SLC23A2: variants seen among roughly 807,000 people sequenced by gnomAD.
SLC23A2 encodes solute carrier family 23 member 2.
SLC23A2 carries 36 observed loss-of-function variants against 73.3 expected under a neutral mutation model. That is an observed-to-expected ratio of 0.49 (90% CI 0.38 to 0.65). The LOEUF (loss-of-function observed/expected upper bound fraction) is 0.65, where lower values mean the gene tolerates loss of function less well. Ranked by LOEUF, SLC23A2 falls within the 30% of genes least tolerant of loss-of-function variation. The pLI, the probability that SLC23A2 is intolerant of heterozygous loss-of-function variation, is 0.00. For missense variants in SLC23A2, 507 were observed against 841.6 expected (o/e 0.60, Z 4.92); for synonymous variants, 343 against 327.3 (o/e 1.05, Z -0.52).
Position 4,932,611 on chromosome 20 carries a change from T to A in SLC23A2, c.-49A>T. On this transcript the variant is annotated 5_prime_UTR_variant, in exon 3 of 17. Coordinates refer to ENST00000338244, the MANE Select transcript of SLC23A2 (RefSeq NM_005116.6). ...AGCCGTTGGGGAGAGCAGCTGGAAG[T>A]GAAGGCTTATTCAAGCTAGGAGCCC... The A allele has an allele frequency of 9.9e-7, 1 of 1,013,174 alleles. No individual in the cohort carries two copies. Among genetic ancestry groups the A allele is most frequent in the Non-Finnish European group, 1.6e-6 (1 of 631,978 alleles). 62.8% of individuals were successfully genotyped at this position (1,013,174 alleles called of 1,614,324 possible).
chr20:4,990,285 C>A (rs375168022), intron 1 of SLC23A2, among the ~76,000 whole-genome samples: 24 of 152,218 alleles, frequency 1.6e-4, no homozygotes, highest in African/African-American at 5.8e-4. Context: ...TTCAGGAGAC[C>A]AAGGCAGAGG....
chr20:4,910,943 C>A (rs1472360979), intron 4 of SLC23A2, among the ~76,000 whole-genome samples: 1 of 152,178 alleles, frequency 6.6e-6, no homozygotes, highest in African/African-American at 2.4e-5. Context: ...ATTTTTCCTA[C>A]AACTGGATCC....
rs753802942 is a variant in SLC23A2, at chr20:4,867,766, G to A, written c.1356+4C>T. 4.0e-6 allele frequency: 6 copies of A among 1,499,814 alleles called. No individual in the cohort carries two copies. The highest frequency in any genetic ancestry group is 5.6e-6 in the Non-Finnish European group (6 of 1,078,700). The allele number at this position is 1,499,814 out of a possible 1,614,324, so 92.9% of individuals were successfully genotyped here. A position where few individuals can be genotyped will look rare whatever the true frequency, so the allele number is the denominator to read the frequency against. ...CAATCATTTAATTAGAAAAATCTGT[G>A]TACCTTTGTAATTCCCAAAACTCCA... On this transcript the variant is annotated splice_donor_region_variant and intron_variant, in intron 13 of 16. Coordinates refer to ENST00000338244, the MANE Select transcript of SLC23A2 (RefSeq NM_005116.6).
At chr20:4,894,538 T>A (rs938607136) in intron 6 of SLC23A2, among the ~76,000 whole-genome samples, 2 of 152,190 alleles carry the variant, frequency 1.3e-5, no homozygotes, top group African/African-American at 4.8e-5. Flanking sequence ...TGCTGTGGCA[T>A]CTACAATCGG....
At chr20:4,897,620 A>G (rs868332029) in intron 6 of SLC23A2, among the ~76,000 whole-genome samples, 5 of 152,280 alleles carry the variant, frequency 3.3e-5, no homozygotes, top group Non-Finnish European at 5.9e-5. Context: ...GAGGTGAACC[A>G]CGCTGACCCA....
rs543511212 is a variant in SLC23A2, at chr20:4,862,186, C to G, written c.1487-101G>C. The G allele has an allele frequency of 3.3e-6, 4 of 1,225,336 alleles. No individual in the cohort carries two copies. The highest frequency in any genetic ancestry group is 3.0e-5 in the African/African-American group (2 of 66,056). The allele number at this position is 1,225,336 out of a possible 1,614,324, so 75.9% of individuals were successfully genotyped here. ...TCCCTGGCACCCCTTCTCTGTCCAA[C>G]AGAAACCAATGAGACCAGTGCAGGG... is the stretch of plus-strand genomic sequence containing the variant. On this transcript the variant is annotated intron_variant, in intron 14 of 16. Transcript: ENST00000338244. The surrounding 1 kb of genome is among the most constrained non-coding windows in gnomAD (Gnocchi z 5.1).
chr20:4,867,648 A>T, intron 13 of SLC23A2, 122 bp downstream of exon 13: 71 of 426,726 alleles, frequency 1.7e-4, no homozygotes, highest in East Asian at 2.6e-4. Context: ...AAAAAAAAAA[A>T]GGAGAGAAGT....
chr20:4,895,866 G>A (rs1189718499), intron 6 of SLC23A2, among the ~76,000 whole-genome samples: 3 of 152,230 alleles, frequency 2.0e-5, no homozygotes, highest in African/African-American at 7.2e-5. Context: ...ACCCTACTGA[G>A]GTCTGGCTGC....
intron 2 of SLC23A2, among the ~76,000 whole-genome samples, chr20:4,943,227 A>G (rs901607109): frequency 7.2e-5 from 11 of 152,100 alleles, no homozygotes; most frequent in African/African-American, 2.2e-4. Flanking sequence ...AATAAATACT[A>G]TATCAGAAAT....
At chr20:4,897,606 C>G (rs1310196547) in intron 6 of SLC23A2, among the ~76,000 whole-genome samples, 1 of 152,218 alleles carries the variant, frequency 6.6e-6, no homozygotes, top group African/African-American at 2.4e-5. Flanking sequence ...CCCAGGCCAG[C>G]AGGGAGGTGA....
chr20:4,922,860 C>CAT (rs1337496496), intron 3 of SLC23A2, among the ~76,000 whole-genome samples: 3 of 151,044 alleles, frequency 2.0e-5, no homozygotes, highest in African/African-American at 7.3e-5. Flanking sequence ...CACACACACA[C>CAT]ACAAGTAAGA....
At chr20:4,923,005 CTCATT>C (rs987217989) in intron 3 of SLC23A2, among the ~76,000 whole-genome samples, 8 of 152,098 alleles carry the variant, frequency 5.3e-5, no homozygotes, top group African/African-American at 1.9e-4. Context: ...ACTAACATCT[CTCATT>C]TCATTTAAAA....
At position 4,956,955 on chromosome 20, in the gene SLC23A2, G is replaced by A. The variant is rs533244829; in HGVS notation, c.-155+13838C>T. ...CCCAAGTAGCTGGGATTACAGGCATGTGCCACCATGCCCGGCTAATTTTAT... is the reference window on the plus strand; with the variant it reads ...CCCAAGTAGCTGGGATTACAGGCATATGCCACCATGCCCGGCTAATTTTAT... On this transcript the variant is annotated intron_variant, in intron 2 of 16. Coordinates refer to ENST00000338244, the MANE Select transcript of SLC23A2 (RefSeq NM_005116.6). Among the ~76,000 whole-genome samples the A allele has an allele frequency of 6.1e-4, 93 of 152,056 alleles. 1 individual carries two copies. The highest frequency in any genetic ancestry group is 1.1e-3 in the Non-Finnish European group (74 of 67,972).
intron 1 of SLC23A2, among the ~76,000 whole-genome samples, chr20:5,009,564 G>T (rs759519432): frequency 3.9e-5 from 6 of 152,200 alleles, no homozygotes; most frequent in Non-Finnish European, 8.8e-5. Context: ...CTGTATGCCA[G>T]CTCCTCACGT....
At chr20:4,983,960 GAA>G (rs551032108) in intron 1 of SLC23A2, among the ~76,000 whole-genome samples, 1 of 124,864 alleles carries the variant, frequency 8.0e-6, no homozygotes, top group South Asian at 2.4e-4. Context: ...GTGTCTAAAA[GAA>G]AAAAAAAAAG....
chr20:4,919,766 C>T (rs1159723553), intron 3 of SLC23A2, among the ~76,000 whole-genome samples: 2 of 152,268 alleles, frequency 1.3e-5, no homozygotes, highest in African/African-American at 2.4e-5. Flanking sequence ...CCACCCAAAA[C>T]GGACCGTCCT....
upstream of SLC23A2, among the ~76,000 whole-genome samples, chr20:5,004,213 T>C (rs1255517940): frequency 2.0e-5 from 3 of 152,200 alleles, no homozygotes; most frequent in African/African-American, 7.2e-5. Flanking sequence ...ATCTCCACTA[T>C]TGATGCATTA....
chr20:4,988,519 T>C (rs1419184421), intron 1 of SLC23A2, among the ~76,000 whole-genome samples: 1 of 150,828 alleles, frequency 6.6e-6, no homozygotes. Flanking sequence ...AGGTGGATCA[T>C]GAGGTCAAGA....
At chr20:4,920,700 C>A (rs4815755) in intron 3 of SLC23A2, among the ~76,000 whole-genome samples, 45,010 of 152,012 alleles carry the variant, frequency 0.3, 8,272 homozygotes, top group East Asian at 0.63. Context: ...AGAGCAAGAA[C>A]GGAGCTACAG....
Sources: gnomAD v4.1 joint callset for allele counts (sites outside exome capture counted in the v4.1 genomes callset) on GRCh38, gnomAD v4.1.1 for gene constraint, Gnocchi (gnomAD v3.1) non-coding constraint, MANE v1.5 for transcripts, NCBI Gene and HGNC (gene_info 2026-07-23, HGNC 2026-07-21) for gene names.